SLIT2: variants seen among roughly 807,000 people sequenced by gnomAD.
SLIT2 encodes the protein slit homolog 2 protein.
A neutral mutation model predicts 185.7 loss-of-function variants in SLIT2; 41 were observed. The ratio of observed to expected loss-of-function variants is 0.22; its 90% CI spans 0.17 to 0.29. SLIT2 has a LOEUF of 0.29. Ranked by LOEUF, SLIT2 falls within the 10% of genes least tolerant of loss-of-function variation. The pLI is 1.00. For synonymous variants in SLIT2, 693 were observed against 680.2 expected (o/e 1.02, Z -0.29); for missense variants, 1,571 against 1,909.0 (o/e 0.82, Z 3.30).
chr4:20,290,870 A>T (rs1045632563), intron 4 of SLIT2, among the ~76,000 whole-genome samples: 4 of 151,844 alleles, frequency 2.6e-5, no homozygotes, highest in African/African-American at 9.7e-5. Context: ...TCAGAAAATC[A>T]TAAAGTCTGC....
intron 5 of SLIT2, among the ~76,000 whole-genome samples, chr4:20,480,108 G>A (rs1405110260): frequency 6.6e-6 from 1 of 152,190 alleles, no homozygotes; most frequent in Admixed American, 6.5e-5. Context: ...TAGTAGGATA[G>A]TGACACTTAA....
intron 4 of SLIT2, among the ~76,000 whole-genome samples, chr4:20,322,268 A>G (rs1257855898): frequency 1.3e-5 from 2 of 152,164 alleles, no homozygotes; most frequent in East Asian, 3.9e-4. Flanking sequence ...CATGTGCCCA[A>G]GGTGGTTGGA....
At chr4:20,287,245 A>G (rs1295698581) in intron 4 of SLIT2, among the ~76,000 whole-genome samples, 1 of 152,128 alleles carries the variant, frequency 6.6e-6, no homozygotes, top group Non-Finnish European at 1.5e-5. Context: ...TTCACTGCCC[A>G]AGAACTAGAT....
Position 20,589,667 on chromosome 4 carries a change from G to C in SLIT2, c.3112G>C (p.Asp1038His). 1 of 1,613,958 alleles carries C rather than the reference G, an allele frequency of 6.2e-7. No homozygotes were observed. Among genetic ancestry groups the C allele is most frequent in the Non-Finnish European group, 8.5e-7 (1 of 1,179,952 alleles). ...YTGELCEEKL[D>H]FCAQDLNPCQ... is the part of the protein sequence containing the mutation. ...AGGTGAGTTGTGTGAGGAGAAGCTGGACTTCTGTGCCCAGGACCTGAACCC... is the reference window on the plus strand; with the variant it reads ...AGGTGAGTTGTGTGAGGAGAAGCTGCACTTCTGTGCCCAGGACCTGAACCC... Residue 1038 changes from aspartate to histidine, a missense_variant, in exon 30 of 37, where the codon GAC becomes CAC. Physicochemically the swap from Asp to His is moderately conservative, Grantham distance 81 (BLOSUM62 -1). Transcript: ENST00000504154.
intron 29 of SLIT2, among the ~76,000 whole-genome samples, chr4:20,574,786 CAAAAAAAAAA>C (rs57022828): frequency 2.3e-5 from 2 of 86,174 alleles, no homozygotes; most frequent in Non-Finnish European, 4.7e-5. Flanking sequence ...GACTCGCTTT[CAAAAAAAAAA>C]AAAAAAAAAA....
rs144086960 is a variant in SLIT2 at position 20,351,117 on chromosome 4, C to T, written c.395+82236C>T. Among the ~76,000 whole-genome samples the T allele has an allele frequency of 6.6e-3, 992 of 151,018 alleles. 12 individuals carry two copies. Among genetic ancestry groups the T allele is most frequent in the African/African-American group, 0.023 (946 of 41,146 alleles). On this transcript the variant is annotated intron_variant, in intron 4 of 36. Transcript: ENST00000504154. ...AGGCTGAAGTGCAATGCTGCAATCT[C>T]GGCTTACTGCAACCTCCGCCTCCTG... is the stretch of plus-strand genomic sequence containing the variant.
At chr4:20,611,823 G>A (rs1272631848) in intron 34 of SLIT2, among the ~76,000 whole-genome samples, 3 of 152,166 alleles carry the variant, frequency 2.0e-5, no homozygotes, top group Admixed American at 1.3e-4. Flanking sequence ...GCAATCTCAA[G>A]GATTTTATAT....
chr4:20,398,453 A>G (rs1441504009), intron 4 of SLIT2, among the ~76,000 whole-genome samples: 1 of 151,838 alleles, frequency 6.6e-6, no homozygotes, highest in Admixed American at 6.6e-5. Flanking sequence ...AATTTGAAAA[A>G]GAGAACAGAG....
intron 4 of SLIT2, among the ~76,000 whole-genome samples, chr4:20,439,156 T>C (rs1729563143): frequency 6.6e-6 from 1 of 152,242 alleles, no homozygotes; most frequent in African/African-American, 2.4e-5. Flanking sequence ...TAATTGAACA[T>C]TTACTATGTT....
At chr4:20,520,126 C>T (rs571801992) in intron 12 of SLIT2, among the ~76,000 whole-genome samples, 226 of 151,300 alleles carry the variant, frequency 1.5e-3, no homozygotes, top group Non-Finnish European at 2.8e-3. Flanking sequence ...GCAATAATTT[C>T]CTCAAACGGA....
At position 20,254,798 on chromosome 4, in the gene SLIT2, T is replaced by G. The variant is rs1212923174; in HGVS notation, c.179+804T>G. The G allele has an allele frequency of 2.5e-6, 1 of 405,306 alleles. No homozygotes were observed. The highest frequency in any genetic ancestry group is 5.0e-6 in the Non-Finnish European group (1 of 201,642). 25.1% of individuals were successfully genotyped at this position (405,306 alleles called of 1,614,324 possible). On this transcript the variant is annotated intron_variant, in intron 1 of 36. Coordinates refer to ENST00000504154, the MANE Select transcript of SLIT2 (RefSeq NM_004787.4). The surrounding 1 kb of genome is among the most constrained non-coding windows in gnomAD (Gnocchi z 5.1). ...CCCGGCTGCCCCCTCCGGCCCTTCC[T>G]GCTGAACCCCTGCGTCCCCATCCAC...
At chr4:20,429,788 G>A (rs1262812996) in intron 4 of SLIT2, among the ~76,000 whole-genome samples, 1 of 152,136 alleles carries the variant, frequency 6.6e-6, no homozygotes, top group Non-Finnish European at 1.5e-5. Context: ...TGTTGTATCT[G>A]AGTAACAGAA....
intron 4 of SLIT2, among the ~76,000 whole-genome samples, chr4:20,404,595 A>G (rs558261624): frequency 1.3e-5 from 2 of 152,164 alleles, no homozygotes; most frequent in South Asian, 4.1e-4. Context: ...ACCTGGTGCA[A>G]GGTGTGTGCT....
intron 17 of SLIT2, 123 bp downstream of exon 17, chr4:20,532,181 C>A: frequency 1.7e-6 from 1 of 595,322 alleles, no homozygotes; most frequent in Non-Finnish European, 2.9e-6. Flanking sequence ...TGATGATGAC[C>A]TGTAACATGA....
chr4:20,610,806 G>A (rs939436124), intron 34 of SLIT2, among the ~76,000 whole-genome samples: 3 of 152,214 alleles, frequency 2.0e-5, no homozygotes, highest in Non-Finnish European at 2.9e-5. Flanking sequence ...AAGAGAGAGG[G>A]TTGGAAAGGT....
At chr4:20,310,631 C>T (rs866163590) in intron 4 of SLIT2, among the ~76,000 whole-genome samples, 24 of 152,150 alleles carry the variant, frequency 1.6e-4, no homozygotes, top group African/African-American at 5.6e-4. Flanking sequence ...GGTATGTATG[C>T]TTCCTTTCAG....
chr4:20,617,030 TG>T lies in SLIT2; in HGVS notation c.3969del (p.Pro1324ArgfsTer135). 6.2e-7 allele frequency: 1 copy of T among 1,614,116 alleles called. No homozygotes were observed. The highest frequency in any genetic ancestry group is 8.5e-7 in the Non-Finnish European group (1 of 1,180,020). On this transcript the variant is annotated frameshift_variant, in exon 35 of 37. Coordinates refer to ENST00000504154, the MANE Select transcript of SLIT2 (RefSeq NM_004787.4). LOFTEE classifies it high-confidence loss of function. ...AGTGAGCTGCAGGACTTCCAGAAGG[TG>T]CCGATGCAAACAGGCATTTTGCCTG... ...INSELQDFQK[V>X]PMQTGILPGC... is the part of the protein sequence containing the mutation.
chr4:20,611,157 T>C (rs1396940827), intron 34 of SLIT2, among the ~76,000 whole-genome samples: 1 of 152,244 alleles, frequency 6.6e-6, no homozygotes. Flanking sequence ...AGTGTACAAT[T>C]TCATCACCAT....
chr4:20,341,403 T>C (rs1351931411), intron 4 of SLIT2, among the ~76,000 whole-genome samples: 1 of 152,228 alleles, frequency 6.6e-6, no homozygotes, highest in Non-Finnish European at 1.5e-5. Flanking sequence ...CACTTACTGT[T>C]TTGTTTACTG....
Sources: allele counts gnomAD v4.1 joint callset (sites outside exome capture counted in the v4.1 genomes callset), GRCh38; gene constraint gnomAD v4.1.1; non-coding constraint Gnocchi (gnomAD v3.1); transcripts MANE v1.5; gene names NCBI Gene and HGNC (gene_info 2026-07-23, HGNC 2026-07-21).